KCND3: variants seen among roughly 807,000 people sequenced by gnomAD.
KCND3 encodes potassium voltage-gated channel subfamily D member 3, also known as A-type voltage-gated potassium channel KCND3.
In KCND3, 9 loss-of-function variants were observed where a neutral mutation model predicts 51.1. The ratio of observed to expected loss-of-function variants is 0.18; its 90% CI spans 0.11 to 0.31. The LOEUF (loss-of-function observed/expected upper bound fraction) is 0.31, where lower values mean the gene tolerates loss of function less well. KCND3 is among the 10% of genes least tolerant of loss of function. KCND3 has a pLI of 1.00. For missense variants in KCND3, 526 were observed against 903.8 expected (o/e 0.58, Z 5.36); for synonymous variants, 349 against 368.0 (o/e 0.95, Z 0.59).
chr1:111,907,235 A>G (rs565899848), intron 2 of KCND3, among the ~76,000 whole-genome samples: 2 of 152,352 alleles, frequency 1.3e-5, no homozygotes, highest in South Asian at 4.1e-4. Context: ...TCAGATGCAG[A>G]AGAGTTAAAA....
intron 2 of KCND3, among the ~76,000 whole-genome samples, chr1:111,807,163 G>T (rs2101563495): frequency 6.6e-6 from 1 of 152,294 alleles, no homozygotes; most frequent in East Asian, 1.9e-4. Flanking sequence ...GACACCATGA[G>T]TAAGAACCAG....
At position 111,819,463 on chromosome 1, in the gene KCND3, G is replaced by A. The variant is rs776275464; in HGVS notation, c.1107-32357C>T. Among the ~76,000 whole-genome samples the A allele has an allele frequency of 4.5e-4, 69 of 152,024 alleles. 1 individual carries two copies. The highest frequency in any genetic ancestry group is 2.6e-4 in the Admixed American group (4 of 15,272). ...TCCCCTCCTCATTAAGCAAGAGCTC[G>A]CTCATAAATATTCACAGAATTCTAA... On this transcript the variant is annotated intron_variant, in intron 2 of 7. Coordinates refer to ENST00000302127, the MANE Select transcript of KCND3 (RefSeq NM_001378969.1).
intron 3 of KCND3, among the ~76,000 whole-genome samples, chr1:111,783,326 C>T (rs773598733): frequency 5.3e-5 from 8 of 152,148 alleles, no homozygotes; most frequent in Non-Finnish European, 1.2e-4. Flanking sequence ...AGAACATTCT[C>T]CTCCTCCTTC....
intron 2 of KCND3, among the ~76,000 whole-genome samples, chr1:111,828,749 T>G (rs1471038832): frequency 6.6e-6 from 1 of 152,216 alleles, no homozygotes; most frequent in Non-Finnish European, 1.5e-5. Flanking sequence ...TCCACTGCTT[T>G]GCTCTTTGCT....
Position 111,861,013 on chromosome 1 carries a change from A to G in KCND3, c.1107-73907T>C, listed in dbSNP as rs1668313231. ...GCTGTCTGGCAGAGCCCCTCTCACC[A>G]TCTCCCATTTCCAAAGGGCTTCATG... On this transcript the variant is annotated intron_variant, in intron 2 of 7. Transcript: ENST00000302127. Among the ~76,000 whole-genome samples, 5 of 152,114 alleles carry G rather than the reference A, an allele frequency of 3.3e-5. No homozygotes were observed. The South Asian group carries it at 1.0e-3, about 32-fold the overall frequency.
chr1:111,932,766 T>C (rs769874303), intron 2 of KCND3, among the ~76,000 whole-genome samples: 8 of 152,164 alleles, frequency 5.3e-5, no homozygotes, highest in African/African-American at 1.2e-4. Flanking sequence ...CTGCAGGAAG[T>C]CCCCACTAGA....
chr1:111,880,604 C>T (rs775920241), intron 2 of KCND3, among the ~76,000 whole-genome samples: 2 of 152,184 alleles, frequency 1.3e-5, no homozygotes, highest in African/African-American at 4.8e-5. Flanking sequence ...CATATAAATA[C>T]GGTTTAGGAG....
intron 2 of KCND3, among the ~76,000 whole-genome samples, chr1:111,947,829 G>A (rs189118470): frequency 8.5e-5 from 13 of 152,336 alleles, no homozygotes; most frequent in Non-Finnish European, 4.4e-5. Context: ...CCTGGGCTGG[G>A]ATGATAATTG....
chr1:111,843,244 G>T (rs1311328900), intron 2 of KCND3, among the ~76,000 whole-genome samples: 1 of 152,208 alleles, frequency 6.6e-6, no homozygotes, highest in African/African-American at 2.4e-5. Context: ...AAGGGACACA[G>T]CCCTGTGCAC....
chr1:111,850,515 G>C (rs1215560753), intron 2 of KCND3, among the ~76,000 whole-genome samples: 1 of 152,160 alleles, frequency 6.6e-6, no homozygotes, highest in Non-Finnish European at 1.5e-5. Flanking sequence ...TTTGATGAAG[G>C]GGTCTCATCA....
At chr1:111,841,300 C>A (rs1244434403) in intron 2 of KCND3, among the ~76,000 whole-genome samples, 1 of 152,246 alleles carries the variant, frequency 6.6e-6, no homozygotes, top group African/African-American at 2.4e-5. Flanking sequence ...CGTAGTGTTT[C>A]TCTTTCTCTG....
intron 2 of KCND3, among the ~76,000 whole-genome samples, chr1:111,882,534 G>A (rs958205585): frequency 2.0e-5 from 3 of 152,222 alleles, no homozygotes; most frequent in African/African-American, 7.2e-5. Context: ...GTGTGTGAAG[G>A]TGACAGTGTG....
chr1:111,973,434 T>C (rs1442775586), intron 2 of KCND3, among the ~76,000 whole-genome samples: 1 of 152,222 alleles, frequency 6.6e-6, no homozygotes, highest in Non-Finnish European at 1.5e-5. Flanking sequence ...ATAAAGAAGA[T>C]AACAAAGTTC....
In KCND3 at chr1:111,782,824, T is replaced by G. The variant is rs187936393; in HGVS notation, c.1270-2033A>C. On this transcript the variant is annotated intron_variant, in intron 3 of 7. Coordinates refer to ENST00000302127, the MANE Select transcript of KCND3 (RefSeq NM_001378969.1). ...CAACAGATTGTCATATCAAATGTAC[T>G]AGATCATTTAATCTCTTCCCACACA... Among the ~76,000 whole-genome samples the G allele has an allele frequency of 5.9e-3, 905 of 152,308 alleles. 8 individuals are homozygous for G. Among genetic ancestry groups the G allele is most frequent in the African/African-American group, 0.021 (859 of 41,554 alleles).
chr1:111,948,061 G>A (rs1672869048), intron 2 of KCND3, among the ~76,000 whole-genome samples: 1 of 152,182 alleles, frequency 6.6e-6, no homozygotes, highest in South Asian at 2.1e-4. Context: ...AATACCTAGT[G>A]AGTTCCTAGT....
At chr1:111,816,209 G>A (rs1469942687) in intron 2 of KCND3, among the ~76,000 whole-genome samples, 1 of 152,260 alleles carries the variant, frequency 6.6e-6, no homozygotes, top group East Asian at 1.9e-4. Flanking sequence ...TGGCCTCTTG[G>A]GAAGGGGTGG....
At chr1:111,822,198 G>C (rs574261139) in intron 2 of KCND3, among the ~76,000 whole-genome samples, 1 of 151,712 alleles carries the variant, frequency 6.6e-6, no homozygotes, top group Non-Finnish European at 1.5e-5. Flanking sequence ...TATGTTTGTC[G>C]TGTAAGCAAT....
intron 2 of KCND3, among the ~76,000 whole-genome samples, chr1:111,794,030 C>T (rs556763484): frequency 7.7e-5 from 11 of 142,370 alleles, no homozygotes; most frequent in Admixed American, 2.8e-4. Context: ...CACACTCAAA[C>T]CCTATCTGGG....
intron 2 of KCND3, among the ~76,000 whole-genome samples, chr1:111,954,013 A>C (rs1673192779): frequency 6.6e-6 from 1 of 152,108 alleles, no homozygotes; most frequent in Non-Finnish European, 1.5e-5. Context: ...ACAAGCCAGG[A>C]TGGGGGGTGG....
Sources: allele counts gnomAD v4.1 joint callset (sites outside exome capture counted in the v4.1 genomes callset), GRCh38; gene constraint gnomAD v4.1.1; transcripts MANE v1.5; gene names NCBI Gene and HGNC (gene_info 2026-07-23, HGNC 2026-07-21).